The following RGS12 variants were observed in gnomAD, a reference collection of about 807,000 sequenced individuals.
RGS12 encodes the protein regulator of G-protein signaling 12.
RGS12 carries 66 observed loss-of-function variants against 120.1 expected under a neutral mutation model. The observed-to-expected ratio is 0.55, with a 90% confidence interval of 0.45 to 0.67. The LOEUF (loss-of-function observed/expected upper bound fraction) is 0.67. RGS12 is among the 30% of genes least tolerant of loss of function. The pLI is 0.00. For missense variants in RGS12, 1,859 were observed against 1,957.7 expected (o/e 0.95, Z 0.95); for synonymous variants, 827 against 804.7 (o/e 1.03, Z -0.47).
rs370188931 is a variant in RGS12 at position 3,317,800 on chromosome 4, C to T, written c.1630C>T (p.Arg544Trp). ...GCGCTGGCTCCCGGTCCACGTGCTC[C>T]GGGAGTGGCAGTGCGGACACACCAG... The part of the protein sequence containing the change: ...NQRWLPVHVL[R>W]EWQCGHTSDQ... The change falls in exon 2 of 18, where the codon CGG becomes TGG. Residue 544 changes from arginine to tryptophan, a missense_variant. Coordinates refer to ENST00000336727, the MANE Select transcript of RGS12 (RefSeq NM_001394154.1). The T allele has an allele frequency of 6.7e-5, 108 of 1,613,232 alleles. No individual in the cohort carries two copies. The highest frequency in any genetic ancestry group is 6.2e-4 in the East Asian group (28 of 44,876).
Position 3,389,290 on chromosome 4 carries a change from G to C in RGS12, c.2020+2853G>C, listed in dbSNP as rs1011941686. ...GAAAAAGGGTTACAGCTGGTCTCTG[G>C]GGGGCACGGCAGGGCTGTGGGTGGG... On this transcript the variant is annotated intron_variant, in intron 4 of 17. Transcript: ENST00000336727. The surrounding 1 kb of genome is among the most constrained non-coding windows in gnomAD (Gnocchi z 5.2). Among the ~76,000 whole-genome samples, 1 of 152,138 alleles carries C rather than the reference G, an allele frequency of 6.6e-6. No individual in the cohort carries two copies. The highest frequency in any genetic ancestry group is 1.5e-5 in the Non-Finnish European group (1 of 68,014).
At chr4:3,420,844 C>A (rs187899894) in intron 10 of RGS12, 126 bp downstream of exon 10, 2 of 887,038 alleles carry the variant, frequency 2.3e-6, no homozygotes, top group African/African-American at 1.7e-5. Context: ...AGCTGGGGGA[C>A]AAGGCTCGGG....
intron 3 of RGS12, among the ~76,000 whole-genome samples, chr4:3,368,214 C>A (rs1716542804): frequency 6.6e-6 from 1 of 152,190 alleles, no homozygotes; most frequent in African/African-American, 2.4e-5. Context: ...GTAGTGCAGG[C>A]CCCTCAGAAG....
intron 3 of RGS12, among the ~76,000 whole-genome samples, chr4:3,371,441 T>C (rs1367478852): frequency 1.3e-5 from 2 of 152,198 alleles, no homozygotes; most frequent in African/African-American, 4.8e-5. Context: ...CATCTCAGTG[T>C]ATATCCAGGC....
intron 4 of RGS12, among the ~76,000 whole-genome samples, chr4:3,396,887 G>A (rs1303791323): frequency 1.3e-5 from 2 of 151,444 alleles, no homozygotes; most frequent in Non-Finnish European, 2.9e-5. Flanking sequence ...CAAGCCACAT[G>A]CAGCCATTGA....
intron 4 of RGS12, among the ~76,000 whole-genome samples, chr4:3,398,807 T>G (rs896876826): frequency 1.3e-5 from 2 of 151,714 alleles, no homozygotes; most frequent in Non-Finnish European, 2.9e-5. Context: ...AACAGACACA[T>G]AGAGAGCTTT....
At chr4:3,329,999 G>T (rs1027702309) in intron 2 of RGS12, among the ~76,000 whole-genome samples, 5 of 152,166 alleles carry the variant, frequency 3.3e-5, no homozygotes, top group Non-Finnish European at 4.4e-5. Flanking sequence ...TAATCGTGAG[G>T]CTTTATAGAA....
chr4:3,300,768 G>C (rs34530016), intron 1 of RGS12, among the ~76,000 whole-genome samples: 12,248 of 152,262 alleles, frequency 0.08, 657 homozygotes, highest in African/African-American at 0.15. Context: ...GGGTCTGTGT[G>C]TCCCTTTTGC....
At chr4:3,297,647 C>T (rs1723456583) in intron 1 of RGS12, among the ~76,000 whole-genome samples, 1 of 152,188 alleles carries the variant, frequency 6.6e-6, no homozygotes, top group South Asian at 2.1e-4. Flanking sequence ...TCTAGTCACC[C>T]ACCTATCAAA....
In RGS12 at chr4:3,430,800, A is replaced by G; in HGVS notation, c.3959A>G (p.Gln1320Arg). The G allele has an allele frequency of 6.2e-7, 1 of 1,611,794 alleles. No homozygotes were observed. The highest frequency in any genetic ancestry group is 8.5e-7 in the Non-Finnish European group (1 of 1,179,458). ...GGCACCGCCCAGATCTGGAAGAGGC[A>G]GTCTCAGGAAGTGGAGGCCGGGGGC... ...QEGTAQIWKR[Q>R]SQEVEAGGIQ... The change falls in exon 17 of 18, where the codon CAG becomes CGG. Residue 1320 changes from glutamine to arginine, a missense_variant. Gln to Arg is a conservative substitution (Grantham distance 43). This residue lies in a region of RGS12 where 517 missense variants were observed against 488.5 expected (regional missense o/e 1.06). Transcript: ENST00000336727.
intron 1 of RGS12, among the ~76,000 whole-genome samples, chr4:3,311,642 G>A (rs1426777054): frequency 6.6e-6 from 1 of 152,164 alleles, no homozygotes; most frequent in Non-Finnish European, 1.5e-5. Flanking sequence ...CACAAACCTT[G>A]TTTCATGCAC....
chr4:3,303,182 A>G (rs950253023), intron 1 of RGS12, among the ~76,000 whole-genome samples: 1 of 152,180 alleles, frequency 6.6e-6, no homozygotes, highest in African/African-American at 2.4e-5. Context: ...GTGCTTGGGC[A>G]GGGATTAGGA....
intron 3 of RGS12, chr4:3,385,992 G>A: frequency 4.9e-6 from 1 of 204,062 alleles, no homozygotes; most frequent in Admixed American, 5.7e-5. Context: ...CAGGCACTGA[G>A]TGGACTGTTG....
chr4:3,340,058 G>A (rs973392839), intron 2 of RGS12, among the ~76,000 whole-genome samples: 7 of 152,188 alleles, frequency 4.6e-5, no homozygotes, highest in African/African-American at 1.7e-4. Flanking sequence ...AACATTTCCC[G>A]TTATTGCTGT....
At chr4:3,305,578 T>C (rs1723932102) in intron 1 of RGS12, among the ~76,000 whole-genome samples, 1 of 152,150 alleles carries the variant, frequency 6.6e-6, no homozygotes, top group Non-Finnish European at 1.5e-5. Flanking sequence ...GGTGCCATCA[T>C]GGCAAGCACC....
At chr4:3,369,345 C>T (rs368962005) in intron 3 of RGS12, among the ~76,000 whole-genome samples, 13 of 152,198 alleles carry the variant, frequency 8.5e-5, no homozygotes, top group African/African-American at 3.1e-4. Context: ...CACTCTCGTG[C>T]GGGGAATGCT....
chr4:3,316,752 T>G lies in RGS12; in HGVS notation c.582T>G (p.Leu194=), dbSNP rs1390050108. The G allele has an allele frequency of 2.5e-6, 4 of 1,614,200 alleles. No homozygotes were observed. Among genetic ancestry groups the G allele is most frequent in the Non-Finnish European group, 3.4e-6 (4 of 1,180,032 alleles). The change falls in exon 2 of 18, where the codon CTT becomes CTG. Residue 194 remains leucine, a synonymous_variant. Coordinates refer to ENST00000336727, the MANE Select transcript of RGS12 (RefSeq NM_001394154.1). ...ESINNPNPNM[L]SKEEISKVIH... is the part of the protein sequence containing the mutation. ...TAAATAATCCAAATCCCAACATGCT[T>G]TCTAAGGAGGAAATATCAAAAGTTA... is the stretch of plus-strand genomic sequence containing the variant.
At chr4:3,356,173 C>T (rs1714878831) in intron 3 of RGS12, among the ~76,000 whole-genome samples, 1 of 151,630 alleles carries the variant, frequency 6.6e-6, no homozygotes, top group East Asian at 1.9e-4. Context: ...TTGGCCTCAG[C>T]CCCCTCATAT....
rs544857062 is a variant in RGS12, at chr4:3,374,820, G to A, written c.1999-11596G>A. 1.3e-5 allele frequency among the ~76,000 whole-genome samples: 2 copies of A among 152,072 alleles called. No individual in the cohort carries two copies. The highest frequency in any genetic ancestry group is 1.9e-4 in the East Asian group (1 of 5,168). ...CCATGCACCTGCCAGAGTGAGCAGC[G>A]CCATCCTAGCCGCCCCTGCTCTTTG... is the stretch of plus-strand genomic sequence containing the variant. On this transcript the variant is annotated intron_variant, in intron 3 of 17. Coordinates refer to ENST00000336727, the MANE Select transcript of RGS12 (RefSeq NM_001394154.1). The surrounding 1 kb of genome is among the most constrained non-coding windows in gnomAD (Gnocchi z 6.3).
Sources: gnomAD v4.1 joint callset for allele counts (sites outside exome capture counted in the v4.1 genomes callset) on GRCh38, gnomAD v4.1.1 for gene constraint, gnomAD v4.1.1 regional missense constraint, Gnocchi (gnomAD v3.1) non-coding constraint, MANE v1.5 for transcripts, NCBI Gene and HGNC (gene_info 2026-07-23, HGNC 2026-07-21) for gene names.